Variants in KHDC4 observed in about 807,000 individuals in gnomAD.
KHDC4 encodes the protein KH homology domain-containing protein 4.
KHDC4 carries 19 observed loss-of-function variants against 74.5 expected under a neutral mutation model. The observed-to-expected ratio is 0.26, with a 90% CI of 0.18 to 0.37. KHDC4 has a LOEUF of 0.37. KHDC4 is among the 10% of genes least tolerant of loss of function. KHDC4 has a pLI of 1.00. For synonymous variants in KHDC4, 253 were observed against 266.1 expected (o/e 0.95, Z 0.48); for missense variants, 632 against 754.1 (o/e 0.84, Z 1.90).
chr1:155,915,616 T>A, intron 13 of KHDC4: 1 of 421,072 alleles, frequency 2.4e-6, no homozygotes, highest in Non-Finnish European at 4.2e-6. Context: ...GAAGCGATTC[T>A]CCTGCCTCAA....
chr1:155,919,764 T>C (rs1673813736), intron 10 of KHDC4: 1 of 157,926 alleles, frequency 6.3e-6, no homozygotes, highest in African/African-American at 2.4e-5. Flanking sequence ...TGAGCCAAGA[T>C]GGTGCCACTG....
intron 4 of KHDC4, among the ~76,000 whole-genome samples, chr1:155,927,832 C>CCACACACCCACA (rs1553231146): frequency 4.4e-5 from 4 of 90,928 alleles, no homozygotes; most frequent in African/African-American, 2.1e-4. Context: ...AAAAAAAAAA[C>CCACACACCCACA]CACACACACA....
chr1:155,923,572 A>G, intron 8 of KHDC4, 55 bp downstream of exon 8: 1 of 1,297,590 alleles, frequency 7.7e-7, no homozygotes, highest in Non-Finnish European at 1.1e-6. Context: ...CAGCTAAGAC[A>G]TACTCCAAAA....
intron 10 of KHDC4, among the ~76,000 whole-genome samples, chr1:155,919,072 A>G (rs1044081271): frequency 6.7e-6 from 1 of 149,954 alleles, no homozygotes; most frequent in Non-Finnish European, 1.5e-5. Flanking sequence ...GGTTCAAGCA[A>G]TTCTCCTGCC....
At chr1:155,917,797 A>G (rs1444165505) in intron 10 of KHDC4, 125 bp from the exon 11 acceptor site, 2 of 776,354 alleles carry the variant, frequency 2.6e-6, no homozygotes, top group East Asian at 2.8e-5. Flanking sequence ...TCAGGTCCTT[A>G]GTTTCCTTCA....
rs1351456425 is a variant in KHDC4 at position 155,913,138 on chromosome 1, A to G, written c.*983T>C. 5.9e-5 allele frequency: 9 copies of G among 152,798 alleles called. No individual in the cohort carries two copies. Among genetic ancestry groups the G allele is most frequent in the Admixed American group, 5.2e-4 (8 of 15,270 alleles). The allele number at this position is 152,798 out of a possible 1,614,324, so 9.5% of individuals were successfully genotyped here. On this transcript the variant is annotated 3_prime_UTR_variant, in exon 14 of 14. Coordinates refer to ENST00000368321, the MANE Select transcript of KHDC4 (RefSeq NM_014949.4). ...ATAAGTTTATACAAAGCCAGCCTGC[A>G]AAGTATTCAAATGTGCAAAAATGAC...
Position 155,927,281 on chromosome 1 carries a change from T to C in KHDC4, c.465-125A>G, listed in dbSNP as rs1480549106. ...AATAACCAAAAGGGACTATATACATTAGAAGGGTTTTTGCTAGCTAATGTC... is the reference window on the plus strand; with the variant it reads ...AATAACCAAAAGGGACTATATACATCAGAAGGGTTTTTGCTAGCTAATGTC... On this transcript the variant is annotated intron_variant, in intron 4 of 13. Transcript: ENST00000368321. 11 of 682,216 alleles carry C rather than the reference T, an allele frequency of 1.6e-5. 1 individual carries two copies. In the South Asian group the frequency reaches 1.7e-4, roughly 11 times the overall value. The allele number at this position is 682,216 out of a possible 1,614,324, so 42.3% of individuals were successfully genotyped here.
chr1:155,929,957 G>A, intron 2 of KHDC4, 117 bp from the exon 3 acceptor site: 2 of 576,962 alleles, frequency 3.5e-6, no homozygotes, highest in Non-Finnish European at 4.9e-6. Flanking sequence ...CTGTCGCCCA[G>A]GATGGAGTGC....
At chr1:155,915,713 G>T in intron 13 of KHDC4, 160 bp downstream of exon 13, 1 of 531,878 alleles carries the variant, frequency 1.9e-6, no homozygotes. Flanking sequence ...CACTATGTTG[G>T]CCAAGCTGGT....
At chr1:155,915,430 T>G (rs1673710426) in intron 13 of KHDC4, 1 of 149,590 alleles carries the variant, frequency 6.7e-6, no homozygotes, top group Non-Finnish European at 1.5e-5. Flanking sequence ...CCAAAAGTAT[T>G]TTCACTGGCC....
In KHDC4 at chr1:155,921,469, G is replaced by A. The variant is rs1276844587; in HGVS notation, c.1172C>T (p.Ala391Val). ...PSIVPPAVSL[A>V]PGVLPALPTG... ...AGGTAATGCCGGCAAGACTCCAGGT[G>A]CTAATGAAACAGCTGGTGGCACTAT... The change falls in exon 10 of 14, where the codon GCA becomes GTA. Residue 391 changes from alanine to valine, a missense_variant. Ala to Val is a moderately conservative substitution (Grantham distance 64). Around this residue, in one of 4 missense-constraint regions of KHDC4, gnomAD observed 254 missense variants for 267.4 expected, o/e 0.95. Transcript: ENST00000368321. 2 of 1,614,004 alleles carry A rather than the reference G, an allele frequency of 1.2e-6. No homozygotes were observed. The highest frequency in any genetic ancestry group is 1.7e-6 in the Non-Finnish European group (2 of 1,180,024).
chr1:155,929,892 A>G, intron 2 of KHDC4, 52 bp from the exon 3 acceptor site: 3 of 1,233,588 alleles, frequency 2.4e-6, no homozygotes, highest in Non-Finnish European at 3.2e-6. Flanking sequence ...GATAAAGTCT[A>G]TTTTTTTATT....
In KHDC4 at chr1:155,933,655, G is replaced by C. The variant is rs1674191390; in HGVS notation, c.233C>G (p.Pro78Arg). Residue 78 changes from proline (P) to arginine (R), a missense_variant, in exon 2 of 14, where the codon CCA becomes CGA. Coordinates refer to ENST00000368321, the MANE Select transcript of KHDC4 (RefSeq NM_014949.4). ...TACCTTCTCAGAAGCATTCTGAGTT[G>C]GTTTCAGCTTCCCTTTTGCCATGAG... ...AMLMAKGKLKPTQNASEKLQA... is the reference protein window; with the variant it reads ...AMLMAKGKLKRTQNASEKLQA... 1 of 1,608,790 alleles carries C rather than the reference G, an allele frequency of 6.2e-7. No individual in the cohort carries two copies. The highest frequency in any genetic ancestry group is 1.3e-5 in the African/African-American group (1 of 74,872).
chr1:155,913,991 G>T lies in KHDC4; in HGVS notation c.*130C>A. On this transcript the variant is annotated 3_prime_UTR_variant, in exon 14 of 14. Coordinates refer to ENST00000368321, the MANE Select transcript of KHDC4 (RefSeq NM_014949.4). Reference sequence around the variant, plus strand: ...TTAAGGAACCCCTTTAAGAAAGGGGGGCACTGAATCTCTAACTTCTGCAAA... The same window carrying T: ...TTAAGGAACCCCTTTAAGAAAGGGGTGCACTGAATCTCTAACTTCTGCAAA... 1 of 703,438 alleles carries T rather than the reference G, an allele frequency of 1.4e-6. No homozygotes were observed. The highest frequency in any genetic ancestry group is 2.4e-6 in the Non-Finnish European group (1 of 411,692). 43.6% of individuals were successfully genotyped at this position (703,438 alleles called of 1,614,324 possible).
At chr1:155,926,325 C>CTTTTTT (rs34342755) in intron 6 of KHDC4, 327 of 175,320 alleles carry the variant, frequency 1.9e-3, no homozygotes, top group East Asian at 4.1e-3. Context: ...TTACTTGGCA[C>CTTTTTT]TTTTTTTTTT....
chr1:155,931,074 C>T (rs1408378453), intron 2 of KHDC4, among the ~76,000 whole-genome samples: 1 of 151,906 alleles, frequency 6.6e-6, no homozygotes, highest in East Asian at 1.9e-4. Context: ...GTAATCCTAG[C>T]ACTTTAGGAG....
intron 8 of KHDC4, 171 bp from the exon 9 acceptor site, chr1:155,922,089 T>C (rs954851067): frequency 8.1e-6 from 3 of 369,462 alleles, no homozygotes; most frequent in African/African-American, 6.0e-5. Context: ...TTTGAGACAG[T>C]CTTGCTCTGT....
intron 10 of KHDC4, chr1:155,921,130 C>A: frequency 4.0e-6 from 2 of 502,652 alleles, no homozygotes; most frequent in Non-Finnish European, 7.2e-6. Flanking sequence ...AGCAAGTGTG[C>A]CCACCATCCC....
chr1:155,926,856 C>G lies in KHDC4; in HGVS notation c.518-17G>C, dbSNP rs769006248. Reference sequence around the variant, plus strand: ...TTACAGCTCCTTAGAAAAACACAGACAGTAAAACTGAATGGAATGAACTGA... The same window carrying G: ...TTACAGCTCCTTAGAAAAACACAGAGAGTAAAACTGAATGGAATGAACTGA... On this transcript the variant is annotated splice_polypyrimidine_tract_variant and intron_variant, in intron 5 of 13. Transcript: ENST00000368321. The G allele has an allele frequency of 4.3e-6, 7 of 1,613,756 alleles. No homozygotes were observed. The South Asian group carries it at 6.6e-5, about 15-fold the overall frequency.
Sources: allele counts gnomAD v4.1 joint callset (sites outside exome capture counted in the v4.1 genomes callset), GRCh38; gene constraint gnomAD v4.1.1; regional missense constraint gnomAD v4.1.1; transcripts MANE v1.5; gene names NCBI Gene and HGNC (gene_info 2026-07-23, HGNC 2026-07-21).